Variants in USP22 observed in about 807,000 individuals in gnomAD.
USP22 encodes ubiquitin carboxyl-terminal hydrolase 22.
A neutral mutation model predicts 68.1 loss-of-function variants in USP22; 22 were observed. The ratio of observed to expected loss-of-function variants is 0.32; its 90% CI spans 0.23 to 0.46. The LOEUF is 0.46. Ranked by LOEUF, USP22 falls within the 20% of genes least tolerant of loss-of-function variation. The pLI is 1.00. For synonymous variants in USP22, 279 were observed against 274.2 expected, an observed-to-expected ratio of 1.02 and a Z score of -0.17; for missense variants, 433 against 695.8, an observed-to-expected ratio of 0.62 and a Z score of 4.25.
chr17:21,012,956 T>C, intron 6 of USP22, 21 bp from the exon 7 acceptor site: 1 of 1,608,608 alleles, frequency 6.2e-7, no homozygotes, highest in South Asian at 1.1e-5. Flanking sequence ...ACCACGGCTC[T>C]GGGATTAGTG....
rs566041126 is a variant in USP22, at chr17:21,015,272, A to G, written c.838+480T>C. 3.3e-5 allele frequency among the ~76,000 whole-genome samples: 5 copies of G among 152,340 alleles called. No individual in the cohort carries two copies. The South Asian group carries it at 1.0e-3, about 32-fold the overall frequency. ...GATGGCCCAGGTCCAATGAGACCCC[A>G]AGAGAAGCTTTGCTCGTCCTGTGTC... On this transcript the variant is annotated intron_variant, in intron 6 of 12. Coordinates refer to ENST00000261497, the MANE Select transcript of USP22 (RefSeq NM_015276.2).
chr17:21,011,065 T>C, intron 8 of USP22, 86 bp downstream of exon 8: 1 of 1,490,190 alleles, frequency 6.7e-7, no homozygotes, highest in Non-Finnish European at 8.9e-7. Flanking sequence ...GTCCTGGGCA[T>C]GTGAAAGAGC....
intron 10 of USP22, chr17:21,005,292 T>C: frequency 2.6e-6 from 1 of 381,054 alleles, no homozygotes; most frequent in South Asian, 4.3e-5. Flanking sequence ...TGAGTTTGGT[T>C]TGTGACAAAG....
At chr17:21,034,070 G>GAAA (rs796357794) in intron 1 of USP22, among the ~76,000 whole-genome samples, 1 of 147,204 alleles carries the variant, frequency 6.8e-6, no homozygotes, top group Non-Finnish European at 1.5e-5. Context: ...TCCTTTATAT[G>GAAA]AAAAAAAAAA....
intron 1 of USP22, among the ~76,000 whole-genome samples, chr17:21,040,213 CA>C (rs1245341792): frequency 6.6e-6 from 1 of 152,150 alleles, no homozygotes; most frequent in African/African-American, 2.4e-5. Context: ...ATTTAAAAAA[CA>C]AAATGTCCTA....
chr17:21,033,204 A>T (rs1044564979), intron 1 of USP22, among the ~76,000 whole-genome samples: 2 of 152,156 alleles, frequency 1.3e-5, no homozygotes, highest in Admixed American at 6.5e-5. Flanking sequence ...CCTAGAATCT[A>T]CTACTCCATA....
intron 1 of USP22, among the ~76,000 whole-genome samples, chr17:21,037,494 C>A (rs1972372291): frequency 1.3e-5 from 2 of 152,194 alleles, no homozygotes; most frequent in South Asian, 4.1e-4. Flanking sequence ...TCTCCCTGGT[C>A]TTCCTTCCCA....
At chr17:21,025,355 A>G (rs992862706) in intron 2 of USP22, among the ~76,000 whole-genome samples, 17 of 152,350 alleles carry the variant, frequency 1.1e-4, no homozygotes, top group African/African-American at 3.8e-4. Context: ...TGGGTATTAA[A>G]AAATAAAAGT....
At chr17:21,006,229 C>T (rs1913774191) in intron 10 of USP22, among the ~76,000 whole-genome samples, 1 of 152,186 alleles carries the variant, frequency 6.6e-6, no homozygotes, top group Non-Finnish European at 1.5e-5. Flanking sequence ...CCAAGTACCC[C>T]AGAATAGGCA....
intron 1 of USP22, among the ~76,000 whole-genome samples, chr17:21,035,586 G>C (rs1170794954): frequency 1.3e-5 from 2 of 151,332 alleles, no homozygotes; most frequent in Non-Finnish European, 1.5e-5. Flanking sequence ...CCAGACTATA[G>C]GGAAGTCAAC....
chr17:21,038,731 A>G (rs973599950), intron 1 of USP22, among the ~76,000 whole-genome samples: 2 of 152,182 alleles, frequency 1.3e-5, no homozygotes, highest in Admixed American at 6.5e-5. Context: ...CAGTGCCATA[A>G]AATTTTAGAT....
At chr17:21,041,020 G>A (rs890564477) in intron 1 of USP22, among the ~76,000 whole-genome samples, 1 of 151,874 alleles carries the variant, frequency 6.6e-6, no homozygotes, top group South Asian at 2.1e-4. Context: ...GAGTAGCTGG[G>A]ATTACAGGCG....
intron 7 of USP22, among the ~76,000 whole-genome samples, chr17:21,011,864 A>G (rs984437925): frequency 1.4e-4 from 22 of 152,236 alleles, no homozygotes; most frequent in African/African-American, 5.3e-4. Flanking sequence ...CAGGATTTAA[A>G]TCTTGAGACA....
At chr17:21,014,308 G>A (rs1355820763) in intron 6 of USP22, among the ~76,000 whole-genome samples, 1 of 152,208 alleles carries the variant, frequency 6.6e-6, no homozygotes, top group Non-Finnish European at 1.5e-5. Flanking sequence ...ATGCATTTTT[G>A]AACAAGTGAT....
intron 9 of USP22, 34 bp downstream of exon 9, chr17:21,007,836 T>TCTGC (rs1292818808): frequency 6.2e-7 from 1 of 1,613,950 alleles, no homozygotes; most frequent in Non-Finnish European, 8.5e-7. Context: ...AAAAACTAAG[T>TCTGC]CTGCCATTAG....
chr17:21,017,353 C>T (rs1362089794), intron 5 of USP22, among the ~76,000 whole-genome samples: 1 of 152,228 alleles, frequency 6.6e-6, no homozygotes, highest in Non-Finnish European at 1.5e-5. Flanking sequence ...GCTGCTTCAG[C>T]TCTGAGAAGC....
At chr17:21,005,056 G>C in intron 10 of USP22, 66 bp from the exon 11 acceptor site, 1 of 1,569,392 alleles carries the variant, frequency 6.4e-7, no homozygotes, top group South Asian at 1.1e-5. Flanking sequence ...CAAGGCTCTC[G>C]TGAAACCAAC....
chr17:21,026,384 G>C (rs1972219716), intron 2 of USP22, among the ~76,000 whole-genome samples: 1 of 152,022 alleles, frequency 6.6e-6, no homozygotes, highest in Non-Finnish European at 1.5e-5. Flanking sequence ...GGAGTGCAAT[G>C]GCTTGATGAC....
intron 1 of USP22, among the ~76,000 whole-genome samples, chr17:21,029,340 G>A (rs764302221): frequency 1.2e-4 from 19 of 152,044 alleles, no homozygotes; most frequent in Non-Finnish European, 2.4e-4. Context: ...ATGAGTAAGA[G>A]GAATTATTTA....
Sources: allele counts gnomAD v4.1 joint callset (sites outside exome capture counted in the v4.1 genomes callset), GRCh38; gene constraint gnomAD v4.1.1; transcripts MANE v1.5; gene names NCBI Gene and HGNC (gene_info 2026-07-23, HGNC 2026-07-21).